Variants in PREX1 observed in about 807,000 individuals in gnomAD.
The protein encoded by PREX1 is phosphatidylinositol-3,4,5-trisphosphate dependent Rac exchange factor 1, also known as phosphatidylinositol 3,4,5-trisphosphate-dependent Rac exchanger 1 protein.
Under a neutral mutation model 198.3 loss-of-function variants are expected in PREX1, and 41 were observed. The observed-to-expected ratio is 0.21, with a 90% CI of 0.16 to 0.27. The LOEUF (loss-of-function observed/expected upper bound fraction) is 0.27. Among genes scored for constraint, PREX1 ranks in the 10% least tolerant of loss-of-function variants. The probability of loss-of-function intolerance (pLI) is 1.00; values close to 1 mark genes in which losing one functional copy is unlikely to be tolerated. For missense variants in PREX1, 1,620 were observed against 2,200.7 expected (o/e 0.74, Z 5.28); for synonymous variants, 843 against 887.2 (o/e 0.95, Z 0.89).
intron 1 of PREX1, among the ~76,000 whole-genome samples, chr20:48,808,543 C>T (rs1453381347): frequency 6.6e-6 from 1 of 152,192 alleles, no homozygotes; most frequent in Non-Finnish European, 1.5e-5. Flanking sequence ...ACCCCACCTC[C>T]TATCATCTAC....
chr20:48,720,303 A>G (rs1449052492), intron 5 of PREX1, among the ~76,000 whole-genome samples: 1 of 152,164 alleles, frequency 6.6e-6, no homozygotes, highest in Non-Finnish European at 1.5e-5. Context: ...CTAAACAAGC[A>G]TACACATTTC....
At chr20:48,836,902 CAAAAAAAAAAAAA>C in the PREX1 span, among the ~76,000 whole-genome samples, 8 of 56,072 alleles carry the variant, frequency 1.4e-4, no homozygotes, top group African/African-American at 4.7e-4. Context: ...ACTCTGTCTC[CAAAAAAAAAAAAA>C]AAAAAAAAAA....
chr20:48,747,554 G>GTTT (rs2090114443), intron 2 of PREX1, among the ~76,000 whole-genome samples: 1 of 152,232 alleles, frequency 6.6e-6, no homozygotes, highest in African/African-American at 2.4e-5. Context: ...TGAGCACAGA[G>GTTT]GGAAAGTCTC....
chr20:48,820,461 C>T (rs907960669), intron 1 of PREX1, among the ~76,000 whole-genome samples: 10 of 152,164 alleles, frequency 6.6e-5, no homozygotes, highest in African/African-American at 2.4e-4. Context: ...AACCATGAAC[C>T]GCAAGAGAGG....
At chr20:48,839,818 G>A in the PREX1 span, among the ~76,000 whole-genome samples, 13 of 152,148 alleles carry the variant, frequency 8.5e-5, no homozygotes, top group Non-Finnish European at 1.6e-4. Context: ...TAGGGATGAC[G>A]TCCCCCACAG....
intron 6 of PREX1, among the ~76,000 whole-genome samples, chr20:48,702,938 C>T (rs2089882888): frequency 6.6e-6 from 1 of 152,224 alleles, no homozygotes; most frequent in South Asian, 2.1e-4. Context: ...GCAGATTACA[C>T]TGAACAAAGA....
Position 48,650,204 on chromosome 20 carries a change from A to G in PREX1, c.2820T>C (p.Phe940=). The change falls in exon 24 of 40, where the codon TTT becomes TTC. Residue 940 remains phenylalanine (F), a splice_region_variant and synonymous_variant. Coordinates refer to ENST00000371941, the MANE Select transcript of PREX1 (RefSeq NM_020820.4). ...IGQRIACYQE[F]AAQLKSRVSP... ...TGACCCTGCTCTTCAGTTGGGCTGCAAACTGAGAAAGTGGAGGCCGTAAGG... is the reference window on the plus strand; with the variant it reads ...TGACCCTGCTCTTCAGTTGGGCTGCGAACTGAGAAAGTGGAGGCCGTAAGG... 1 of 1,610,890 alleles carries G rather than the reference A, an allele frequency of 6.2e-7. No individual in the cohort carries two copies. The highest frequency in any genetic ancestry group is 8.5e-7 in the Non-Finnish European group (1 of 1,177,924).
At chr20:48,760,074 T>C (rs954656679) in intron 1 of PREX1, among the ~76,000 whole-genome samples, 1 of 151,548 alleles carries the variant, frequency 6.6e-6, no homozygotes, top group African/African-American at 2.4e-5. Context: ...ATCGCACCAC[T>C]GCACTTCAGC....
At chr20:48,870,322 G>A in the PREX1 span, among the ~76,000 whole-genome samples, 1 of 152,266 alleles carries the variant, frequency 6.6e-6, no homozygotes, top group East Asian at 1.9e-4. Flanking sequence ...GCCACATCAA[G>A]CCAGCAGGCC....
chr20:48,722,112 A>G (rs2092492), intron 5 of PREX1, among the ~76,000 whole-genome samples: 87,436 of 152,012 alleles, frequency 0.58, 26,963 homozygotes, highest in African/African-American at 0.81. Context: ...TCCAGGTGGA[A>G]ACGGAGTTTA....
At chr20:48,865,558 G>C in the PREX1 span, among the ~76,000 whole-genome samples, 1 of 152,216 alleles carries the variant, frequency 6.6e-6, no homozygotes, top group Non-Finnish European at 1.5e-5. Flanking sequence ...AAAGAGGTGG[G>C]CAGGGGCTCT....
At chr20:48,651,340 A>G (rs935169103) in intron 22 of PREX1, 56 bp downstream of exon 22, 1 of 1,530,046 alleles carries the variant, frequency 6.5e-7, no homozygotes, top group African/African-American at 1.4e-5. Context: ...CTTTGATAAG[A>G]GAAACTGGCT....
At chr20:48,650,433 G>C (rs1307536050) in intron 23 of PREX1, among the ~76,000 whole-genome samples, 1 of 152,196 alleles carries the variant, frequency 6.6e-6, no homozygotes, top group Non-Finnish European at 1.5e-5. Flanking sequence ...CCCATGCATG[G>C]CTCCATTTTG....
At chr20:48,667,847 C>T (rs1395126946) in intron 14 of PREX1, among the ~76,000 whole-genome samples, 3 of 152,100 alleles carry the variant, frequency 2.0e-5, no homozygotes, top group Non-Finnish European at 2.9e-5. Flanking sequence ...CAGGCTGAGG[C>T]CAAAGGGATG....
intron 14 of PREX1, among the ~76,000 whole-genome samples, chr20:48,671,079 C>T (rs2089672047): frequency 6.6e-6 from 1 of 152,194 alleles, no homozygotes; most frequent in African/African-American, 2.4e-5. Context: ...TAGCAAGCCA[C>T]CTCCCGAAGT....
chr20:48,850,975 G>A, the PREX1 span, among the ~76,000 whole-genome samples: 1 of 152,166 alleles, frequency 6.6e-6, no homozygotes, highest in African/African-American at 2.4e-5. Context: ...CTGGGATGGG[G>A]GGAATCAAAA....
chr20:48,632,199 T>C, intron 35 of PREX1, 78 bp downstream of exon 35: 2 of 1,401,872 alleles, frequency 1.4e-6, no homozygotes, highest in South Asian at 2.3e-5. Flanking sequence ...GGGGTCCGCC[T>C]GGCACCTTCC....
rs2089476371 is a variant in PREX1, at chr20:48,649,519, G to C, written c.3086C>G (p.Ser1029Cys). The C allele has an allele frequency of 6.2e-7, 1 of 1,613,486 alleles. No individual in the cohort carries two copies. Among genetic ancestry groups the C allele is most frequent in the African/African-American group, 1.3e-5 (1 of 75,022 alleles). ...CTCTGCAGCAGGCAAGCACTTCCAG[G>C]AGGGAGCAGCCATGGTGGTGATGCA... ...QHCITTMAAP[S>C]WKCLPAAEGD... The change falls in exon 25 of 40, where the codon TCC (serine) becomes TGC (cysteine). Residue 1029 changes from serine (S) to cysteine (C), a missense_variant. By Grantham distance (112) the Ser-to-Cys change is moderately radical. Coordinates refer to ENST00000371941, the MANE Select transcript of PREX1 (RefSeq NM_020820.4).
At chr20:48,765,075 A>C (rs1484113472) in intron 1 of PREX1, among the ~76,000 whole-genome samples, 1 of 152,250 alleles carries the variant, frequency 6.6e-6, no homozygotes, top group East Asian at 1.9e-4. Flanking sequence ...AAGGCACAAG[A>C]AACTAATACG....
Sources: gnomAD v4.1 joint callset for allele counts (sites outside exome capture counted in the v4.1 genomes callset) on GRCh38, gnomAD v4.1.1 for gene constraint, MANE v1.5 for transcripts, NCBI Gene and HGNC (gene_info 2026-07-23, HGNC 2026-07-21) for gene names.